SORCS2: variants seen among roughly 807,000 people sequenced by gnomAD.
The protein encoded by SORCS2 is sortilin related VPS10 domain containing receptor 2.
SORCS2 carries 100 observed loss-of-function variants against 141.6 expected under a neutral mutation model. The ratio of observed to expected loss-of-function variants is 0.71; its 90% confidence interval spans 0.60 to 0.83. The LOEUF (loss-of-function observed/expected upper bound fraction) is 0.83, where lower values mean the gene tolerates loss of function less well. SORCS2 is among the 40% of genes least tolerant of loss of function. The pLI is 0.00. For synonymous variants in SORCS2, 789 were observed against 676.9 expected (o/e 1.17, Z -2.57); for missense variants, 1,646 against 1,560.2 (o/e 1.05, Z -0.93).
At chr4:7,239,037 G>C (rs1490630059) in intron 1 of SORCS2, among the ~76,000 whole-genome samples, 2 of 152,222 alleles carry the variant, frequency 1.3e-5, no homozygotes, top group African/African-American at 4.8e-5. Flanking sequence ...AGGGAGCTGG[G>C]CACAGCACTG....
At chr4:7,654,364 A>C (rs1721623974) in intron 5 of SORCS2, among the ~76,000 whole-genome samples, 157 bp downstream of exon 5, 1 of 152,112 alleles carries the variant, frequency 6.6e-6, no homozygotes, top group Non-Finnish European at 1.5e-5. Flanking sequence ...CTCTGCCTGC[A>C]GCCCCACACC....
At chr4:7,713,700 C>G (rs908221023) in intron 15 of SORCS2, among the ~76,000 whole-genome samples, 2 of 152,194 alleles carry the variant, frequency 1.3e-5, no homozygotes, top group Non-Finnish European at 2.9e-5. Flanking sequence ...GCCTGCCAAA[C>G]TGCCTTAGCA....
At chr4:7,246,982 T>G (rs1012871386) in intron 1 of SORCS2, among the ~76,000 whole-genome samples, 6 of 152,278 alleles carry the variant, frequency 3.9e-5, no homozygotes, top group Middle Eastern at 3.4e-3. Flanking sequence ...CAGCTAGAAG[T>G]GGGTTCCTCT....
At chr4:7,313,740 A>C (rs1718355686) in intron 1 of SORCS2, among the ~76,000 whole-genome samples, 1 of 152,130 alleles carries the variant, frequency 6.6e-6, no homozygotes, top group Non-Finnish European at 1.5e-5. Flanking sequence ...GCTGTCCCGG[A>C]AGGATGTGTT....
At chr4:7,237,812 C>T (rs570179717) in intron 1 of SORCS2, among the ~76,000 whole-genome samples, 4 of 152,022 alleles carry the variant, frequency 2.6e-5, no homozygotes, top group East Asian at 1.9e-4. Flanking sequence ...AGGGGAGTTT[C>T]GTTTTCTCCT....
intron 3 of SORCS2, among the ~76,000 whole-genome samples, chr4:7,582,665 C>CA (rs139045913): frequency 0.1 from 15,865 of 151,718 alleles, 905 homozygotes; most frequent in East Asian, 0.13. Flanking sequence ...AAACAAAAAA[C>CA]AAAAAAAAGC....
chr4:7,616,941 C>T (rs1051175638), intron 3 of SORCS2, among the ~76,000 whole-genome samples: 5 of 152,202 alleles, frequency 3.3e-5, no homozygotes, highest in African/African-American at 1.2e-4. Flanking sequence ...CCCACAAGGC[C>T]CCTGAGCCCT....
At chr4:7,415,713 C>A (rs559309763) in intron 2 of SORCS2, among the ~76,000 whole-genome samples, 1 of 152,324 alleles carries the variant, frequency 6.6e-6, no homozygotes, top group East Asian at 1.9e-4. Context: ...CAGTTGAAGG[C>A]CTTGCTGGGG....
At chr4:7,395,032 G>A (rs1176378549) in intron 1 of SORCS2, among the ~76,000 whole-genome samples, 3 of 152,186 alleles carry the variant, frequency 2.0e-5, no homozygotes, top group South Asian at 2.1e-4. Context: ...TGGCTCTGAC[G>A]GCAGGCTGTG....
intron 3 of SORCS2, among the ~76,000 whole-genome samples, chr4:7,593,166 C>T (rs1488356561): frequency 6.6e-6 from 1 of 152,088 alleles, no homozygotes; most frequent in East Asian, 1.9e-4. Flanking sequence ...GGCCCTGTTT[C>T]AAAAAACAAA....
intron 1 of SORCS2, among the ~76,000 whole-genome samples, chr4:7,247,942 C>T (rs141849737): frequency 4.6e-5 from 7 of 152,334 alleles, no homozygotes; most frequent in African/African-American, 1.7e-4. Flanking sequence ...CAACGGGATC[C>T]CCCCAAACTC....
intron 8 of SORCS2, among the ~76,000 whole-genome samples, chr4:7,675,843 T>C (rs1723068040): frequency 6.6e-6 from 1 of 151,936 alleles, no homozygotes; most frequent in Non-Finnish European, 1.5e-5. Flanking sequence ...ATTTTAGAGA[T>C]GGGGAAATGG....
chr4:7,544,368 G>A (rs1263370787), intron 3 of SORCS2, among the ~76,000 whole-genome samples: 2 of 152,212 alleles, frequency 1.3e-5, no homozygotes, highest in Admixed American at 6.5e-5. Context: ...TGATGTGTTA[G>A]CTGTGGGTGA....
intron 3 of SORCS2, among the ~76,000 whole-genome samples, chr4:7,545,616 T>G (rs1460404532): frequency 2.0e-5 from 3 of 152,026 alleles, no homozygotes; most frequent in South Asian, 2.1e-4. Flanking sequence ...AGGGACTGGG[T>G]GGTGAGTGAG....
intron 4 of SORCS2, among the ~76,000 whole-genome samples, chr4:7,647,146 G>C (rs1010046237): frequency 6.6e-6 from 1 of 152,224 alleles, no homozygotes; most frequent in Non-Finnish European, 1.5e-5. Flanking sequence ...CAAAGGCCTG[G>C]AGGTGAGAGA....
chr4:7,334,838 T>C (rs1719887417), intron 1 of SORCS2, among the ~76,000 whole-genome samples: 1 of 151,952 alleles, frequency 6.6e-6, no homozygotes, highest in African/African-American at 2.4e-5. Flanking sequence ...TGTAGGATGA[T>C]AGGAGTTGGC....
At chr4:7,542,840 G>T (rs868800398) in intron 3 of SORCS2, among the ~76,000 whole-genome samples, 21 of 152,358 alleles carry the variant, frequency 1.4e-4, no homozygotes, top group African/African-American at 5.0e-4. Flanking sequence ...GGGGATCCAG[G>T]TTCCCACCTG....
intron 1 of SORCS2, among the ~76,000 whole-genome samples, chr4:7,307,575 G>A (rs1033038988): frequency 2.0e-5 from 3 of 152,250 alleles, no homozygotes; most frequent in African/African-American, 7.2e-5. Context: ...CGCCATGCCT[G>A]TCGAGCTTGG....
At chr4:7,569,726 C>T (rs566050211) in intron 3 of SORCS2, among the ~76,000 whole-genome samples, 17 of 152,216 alleles carry the variant, frequency 1.1e-4, no homozygotes, top group African/African-American at 1.7e-4. Context: ...TATGGGTGCA[C>T]GTCTTCTCTA....
Sources: allele counts gnomAD v4.1 joint callset (sites outside exome capture counted in the v4.1 genomes callset), GRCh38; gene constraint gnomAD v4.1.1; transcripts MANE v1.5; gene names NCBI Gene and HGNC (gene_info 2026-07-23, HGNC 2026-07-21).